RAB1A: variants seen among roughly 807,000 people sequenced by gnomAD.
The protein encoded by RAB1A is RAB1A, member RAS oncogene family, also known as ras-related protein Rab-1A.
In RAB1A, 2 loss-of-function variants were observed where a neutral mutation model predicts 26.0. The ratio of observed to expected loss-of-function variants is 0.08; its 90% CI spans 0.03 to 0.24. RAB1A has a LOEUF of 0.24. Among genes scored for constraint, RAB1A ranks in the 10% least tolerant of loss-of-function variants. The probability of loss-of-function intolerance (pLI) is 1.00; values close to 1 mark genes in which losing one functional copy is unlikely to be tolerated. For missense variants in RAB1A, 100 were observed against 247.0 expected (o/e 0.40, Z 3.99); for synonymous variants, 84 against 84.9 (o/e 0.99, Z 0.06).
rs894314772 is a variant in RAB1A at position 65,110,212 on chromosome 2, C to T, written c.24-5406G>A. Among the ~76,000 whole-genome samples, 9 of 152,012 alleles carry T rather than the reference C, an allele frequency of 5.9e-5. No individual in the cohort carries two copies. The East Asian group carries it at 1.6e-3, about 26-fold the overall frequency. On this transcript the variant is annotated intron_variant, in intron 1 of 5. Coordinates refer to ENST00000409784, the MANE Select transcript of RAB1A (RefSeq NM_004161.5). The stretch of plus-strand genomic sequence containing the variant: ...ATCCCAGCACTTTTGGAGGCTGAGG[C>T]GGGCAGATCACGAGGTCAGGAGATC...
chr2:65,118,625 A>C (rs112587259), intron 1 of RAB1A, among the ~76,000 whole-genome samples: 15,734 of 152,104 alleles, frequency 0.1, 1,107 homozygotes, highest in South Asian at 0.19. Context: ...CTACAGGCAC[A>C]TGCTGCCACA....
intron 4 of RAB1A, among the ~76,000 whole-genome samples, chr2:65,090,195 A>G (rs1463206153): frequency 6.6e-6 from 1 of 152,196 alleles, no homozygotes; most frequent in Non-Finnish European, 1.5e-5. Context: ...TCCTGCAGAT[A>G]TCACCCACCC....
At chr2:65,089,428 C>G (rs1398111172) in intron 4 of RAB1A, among the ~76,000 whole-genome samples, 3 of 151,932 alleles carry the variant, frequency 2.0e-5, no homozygotes, top group Admixed American at 6.6e-5. Flanking sequence ...GTTGCCCAGG[C>G]TGGTCTCGAA....
At chr2:65,125,102 C>A (rs1670067006) in intron 1 of RAB1A, among the ~76,000 whole-genome samples, 1 of 147,330 alleles carries the variant, frequency 6.8e-6, no homozygotes, top group Non-Finnish European at 1.5e-5. Flanking sequence ...GAAAGAAGAG[C>A]AAAGTCTGAA....
intron 1 of RAB1A, among the ~76,000 whole-genome samples, chr2:65,114,753 G>A (rs916306101): frequency 1.3e-5 from 2 of 151,994 alleles, no homozygotes; most frequent in African/African-American, 2.4e-5. Flanking sequence ...GCTGAGGCAG[G>A]AGAATGGCGT....
At chr2:65,097,891 T>C (rs1016102305) in intron 3 of RAB1A, 80 bp downstream of exon 3, 5 of 727,004 alleles carry the variant, frequency 6.9e-6, no homozygotes, top group South Asian at 2.1e-5. Context: ...TTTGTTAGCA[T>C]AGTAAATATA....
chr2:65,094,834 A>C (rs536057099), intron 3 of RAB1A, among the ~76,000 whole-genome samples: 174 of 152,296 alleles, frequency 1.1e-3, no homozygotes, highest in African/African-American at 4.1e-3. Flanking sequence ...AAAATGTAAG[A>C]ATAACCCAAA....
In RAB1A at chr2:65,120,290, T is replaced by C. The variant is rs116036962; in HGVS notation, c.23+9603A>G. On this transcript the variant is annotated intron_variant, in intron 1 of 5. Coordinates refer to ENST00000409784, the MANE Select transcript of RAB1A (RefSeq NM_004161.5). The stretch of plus-strand genomic sequence containing the variant: ...GGCCAATAAGGTGAAACTCCGTCTT[T>C]ACTATAAATACAAAAAATTAGCTGG... Among the ~76,000 whole-genome samples the C allele has an allele frequency of 6.8e-3, 1,034 of 151,844 alleles. 13 individuals are homozygous for C. The highest frequency in any genetic ancestry group is 0.024 in the African/African-American group (973 of 41,384).
rs77519669 is a variant in RAB1A at position 65,119,033 on chromosome 2, G to C, written c.23+10860C>G. On this transcript the variant is annotated intron_variant, in intron 1 of 5. Coordinates refer to ENST00000409784, the MANE Select transcript of RAB1A (RefSeq NM_004161.5). ...GTGAAACCCAGTCTCTACAAAAAAAGAGAAAAAAGAAAAAAAATACAAAAA... is the reference window on the plus strand; with the variant it reads ...GTGAAACCCAGTCTCTACAAAAAAACAGAAAAAAGAAAAAAAATACAAAAA... 7.4e-3 allele frequency among the ~76,000 whole-genome samples: 1,113 copies of C among 151,244 alleles called. 14 individuals are homozygous for C. The highest frequency in any genetic ancestry group is 0.026 in the African/African-American group (1,064 of 41,218).
At chr2:65,112,547 G>C (rs1246463819) in intron 1 of RAB1A, among the ~76,000 whole-genome samples, 1 of 152,128 alleles carries the variant, frequency 6.6e-6, no homozygotes, top group Non-Finnish European at 1.5e-5. Flanking sequence ...CTGCTTTTGA[G>C]GTACAAGTAT....
intron 2 of RAB1A, among the ~76,000 whole-genome samples, chr2:65,098,672 T>TC (rs1368215107): frequency 2.0e-5 from 3 of 152,052 alleles, no homozygotes; most frequent in African/African-American, 7.2e-5. Context: ...AAAGAACCCG[T>TC]CTTCACTCCC....
Position 65,086,914 on chromosome 2 carries a change from T to C in RAB1A, c.*1579A>G, listed in dbSNP as rs1558573726. On this transcript the variant is annotated 3_prime_UTR_variant, in exon 6 of 6. Transcript: ENST00000409784. ...CATAGATGGAAAATTGAATATTCTG[T>C]CCATTTCATTTTACAATTATCTTAC... 1 of 152,618 alleles carries C rather than the reference T, an allele frequency of 6.6e-6. No homozygotes were observed. 9.5% of individuals were successfully genotyped at this position (152,618 alleles called of 1,614,324 possible).
At chr2:65,107,924 C>T (rs575304460) in intron 1 of RAB1A, among the ~76,000 whole-genome samples, 7 of 151,992 alleles carry the variant, frequency 4.6e-5, no homozygotes, top group Non-Finnish European at 7.4e-5. Context: ...ATTAGCTAGG[C>T]ATGGTGGTGG....
At chr2:65,090,145 G>A (rs989632123) in intron 4 of RAB1A, among the ~76,000 whole-genome samples, 2 of 152,034 alleles carry the variant, frequency 1.3e-5, no homozygotes, top group African/African-American at 4.8e-5. Context: ...AATATTTCAC[G>A]GTAATAGTAG....
chr2:65,088,764 T>C, intron 5 of RAB1A, 74 bp from the exon 6 acceptor site: 1 of 1,384,910 alleles, frequency 7.2e-7, no homozygotes. Flanking sequence ...CTACCATCCA[T>C]AATGGAGCGT....
At chr2:65,125,830 C>CT (rs894266510) in intron 1 of RAB1A, among the ~76,000 whole-genome samples, 2 of 137,392 alleles carry the variant, frequency 1.5e-5, no homozygotes, top group Non-Finnish European at 3.1e-5. Flanking sequence ...TTTCTATCTA[C>CT]TTTTTTAACT....
At chr2:65,120,228 C>A (rs939037897) in intron 1 of RAB1A, among the ~76,000 whole-genome samples, 3 of 151,828 alleles carry the variant, frequency 2.0e-5, no homozygotes, top group Non-Finnish European at 4.4e-5. Context: ...GAGGCCGAGG[C>A]GGGAGGATCA....
At chr2:65,122,307 G>C (rs1286321755) in intron 1 of RAB1A, among the ~76,000 whole-genome samples, 1 of 151,696 alleles carries the variant, frequency 6.6e-6, no homozygotes, top group Non-Finnish European at 1.5e-5. Flanking sequence ...CAGCACTTTG[G>C]GAAGCTGAGG....
chr2:65,129,938 C>T lies in RAB1A; in HGVS notation c.-23G>A. 6.3e-7 allele frequency: 1 copy of T among 1,581,810 alleles called. No homozygotes were observed. Among genetic ancestry groups the T allele is most frequent in the Non-Finnish European group, 8.6e-7 (1 of 1,165,648 alleles). ...CATGTCACTGCAGCTGCCGCCGCCG[C>T]CACCGCCGCCCTTGCTGCCGCAGCC... On this transcript the variant is annotated 5_prime_UTR_variant, in exon 1 of 6. Coordinates refer to ENST00000409784, the MANE Select transcript of RAB1A (RefSeq NM_004161.5).
Sources: allele counts gnomAD v4.1 joint callset (sites outside exome capture counted in the v4.1 genomes callset), GRCh38; gene constraint gnomAD v4.1.1; transcripts MANE v1.5; gene names NCBI Gene and HGNC (gene_info 2026-07-23, HGNC 2026-07-21).